PLCH1: variants seen among roughly 807,000 people sequenced by gnomAD.
The protein encoded by PLCH1 is phospholipase C eta 1, also known as 1-phosphatidylinositol 4,5-bisphosphate phosphodiesterase eta-1.
In PLCH1, 60 loss-of-function variants were observed where a neutral mutation model predicts 126.7. The observed-to-expected ratio is 0.47, with a 90% confidence interval of 0.38 to 0.59. PLCH1 has a LOEUF of 0.59. PLCH1 is among the 20% of genes least tolerant of loss of function. PLCH1 has a pLI of 0.00. For synonymous variants in PLCH1, 719 were observed against 734.9 expected (o/e 0.98, Z 0.35); for missense variants, 1,723 against 2,040.0 (o/e 0.84, Z 2.99).
intron 2 of PLCH1, among the ~76,000 whole-genome samples, chr3:155,667,902 TTAAAAAAAA>T (rs1052129410): frequency 6.3e-5 from 6 of 95,156 alleles, no homozygotes; most frequent in Admixed American, 1.1e-4. Flanking sequence ...CCATCTCTAC[TTAAAAAAAA>T]AAAAAAAAAA....
At chr3:155,732,468 C>T (rs1214331641) in intron 1 of PLCH1, among the ~76,000 whole-genome samples, 6 of 149,796 alleles carry the variant, frequency 4.0e-5, no homozygotes, top group East Asian at 2.0e-4. Context: ...GGGTGGATCA[C>T]GAGGTCAGGA....
At chr3:155,742,076 A>C (rs1436592940) in intron 1 of PLCH1, 1 of 152,216 alleles carries the variant, frequency 6.6e-6, no homozygotes, top group Admixed American at 6.5e-5. Flanking sequence ...AGAGTACCAA[A>C]GGTAGTATCT....
At chr3:155,554,036 G>A (rs359549) in intron 9 of PLCH1, 40 bp downstream of exon 9, 960,831 of 1,600,248 alleles carry the variant, frequency 0.6, 302,288 homozygotes, top group Non-Finnish European at 0.66. Context: ...TGCTCCATGC[G>A]GGAGGCTACC....
At chr3:155,470,399 A>G (rs1483869342) in intron 21 of PLCH1, among the ~76,000 whole-genome samples, 1 of 152,192 alleles carries the variant, frequency 6.6e-6, no homozygotes, top group Non-Finnish European at 1.5e-5. Context: ...AGAAACGAGT[A>G]AAGCCTCCAA....
intron 10 of PLCH1, among the ~76,000 whole-genome samples, chr3:155,549,305 T>C (rs1323513124): frequency 1.3e-5 from 2 of 152,226 alleles, no homozygotes; most frequent in African/African-American, 4.8e-5. Flanking sequence ...TGTGCCTGTG[T>C]TCCTCTTTGA....
chr3:155,674,508 A>G (rs1279061131), intron 2 of PLCH1, among the ~76,000 whole-genome samples: 1 of 152,234 alleles, frequency 6.6e-6, no homozygotes, highest in Non-Finnish European at 1.5e-5. Context: ...TCTGGAAATC[A>G]GAAGAAAGAT....
intron 1 of PLCH1, among the ~76,000 whole-genome samples, chr3:155,727,882 C>T (rs1161012969): frequency 1.3e-5 from 2 of 150,806 alleles, no homozygotes; most frequent in African/African-American, 4.8e-5. Context: ...AAAGAAAATA[C>T]GGTGATTTTG....
At chr3:155,504,266 C>T (rs1483329866) in intron 13 of PLCH1, among the ~76,000 whole-genome samples, 21 of 151,734 alleles carry the variant, frequency 1.4e-4, no homozygotes, top group Non-Finnish European at 2.9e-5. Context: ...TAACACATAC[C>T]CATTATGTAT....
chr3:155,691,209 G>T (rs1745358690), intron 2 of PLCH1, among the ~76,000 whole-genome samples: 1 of 152,204 alleles, frequency 6.6e-6, no homozygotes, highest in African/African-American at 2.4e-5. Context: ...GTGACTTGTG[G>T]CAAATTGTGA....
At chr3:155,724,767 T>A (rs1339098517) in intron 1 of PLCH1, among the ~76,000 whole-genome samples, 1 of 151,906 alleles carries the variant, frequency 6.6e-6, no homozygotes, top group South Asian at 2.1e-4. Flanking sequence ...TGTGAGGTAC[T>A]ATTCTATTCA....
intron 19 of PLCH1, among the ~76,000 whole-genome samples, chr3:155,489,774 T>G (rs966266894): frequency 2.1e-4 from 32 of 152,356 alleles, no homozygotes; most frequent in Non-Finnish European, 1.6e-4. Flanking sequence ...TAAGTTTCTG[T>G]TTTTCTTCCT....
Position 155,586,046 on chromosome 3 carries a change from T to C in PLCH1, c.600+19A>G, listed in dbSNP as rs778732646. ...CTCTGTGTATTTTATATAAGGCCAG[T>C]GAAATTGTGAAAACTTACCTGAAAC... On this transcript the variant is annotated intron_variant, in intron 5 of 22. Transcript: ENST00000460012. 1.2e-6 allele frequency: 2 copies of C among 1,611,800 alleles called. No individual in the cohort carries two copies. Among genetic ancestry groups the C allele is most frequent in the Non-Finnish European group, 1.7e-6 (2 of 1,177,948 alleles).
chr3:155,717,854 T>A (rs1747645109), intron 1 of PLCH1, among the ~76,000 whole-genome samples: 1 of 152,230 alleles, frequency 6.6e-6, no homozygotes, highest in African/African-American at 2.4e-5. Context: ...CGGCAAGGTG[T>A]TGCTCCCCAA....
At chr3:155,629,079 C>T (rs1046605958) in intron 2 of PLCH1, among the ~76,000 whole-genome samples, 2 of 152,222 alleles carry the variant, frequency 1.3e-5, no homozygotes, top group Non-Finnish European at 2.9e-5. Context: ...AGTTTCTTCA[C>T]ATTTTAAGAG....
chr3:155,529,537 T>G (rs976528061), intron 10 of PLCH1, among the ~76,000 whole-genome samples: 1 of 152,128 alleles, frequency 6.6e-6, no homozygotes, highest in Non-Finnish European at 1.5e-5. Flanking sequence ...AAAGTTACAA[T>G]TGTGCTATAC....
intron 2 of PLCH1, among the ~76,000 whole-genome samples, chr3:155,634,210 T>C: frequency 6.6e-6 from 1 of 152,192 alleles, no homozygotes; most frequent in East Asian, 1.9e-4. Context: ...AAGATGTTTG[T>C]GACCAAAAGA....
At chr3:155,619,015 T>A (rs75574777) in intron 2 of PLCH1, among the ~76,000 whole-genome samples, 3,124 of 152,198 alleles carry the variant, frequency 0.021, 120 homozygotes, top group African/African-American at 0.072. Context: ...CAGGGAATTT[T>A]TTCACTCTTT....
At chr3:155,462,995 C>T (rs1322689528) in intron 21 of PLCH1, among the ~76,000 whole-genome samples, 1 of 152,220 alleles carries the variant, frequency 6.6e-6, no homozygotes, top group Non-Finnish European at 1.5e-5. Context: ...TCCTTCCCTA[C>T]AGCGAACTTC....
chr3:155,483,347 A>G (rs1020563383), intron 22 of PLCH1: 5 of 1,537,142 alleles, frequency 3.3e-6, no homozygotes, highest in Non-Finnish European at 4.4e-6. Flanking sequence ...AGTGAGGATT[A>G]CCTTAAGTTG....
Sources: allele counts gnomAD v4.1 joint callset (sites outside exome capture counted in the v4.1 genomes callset), GRCh38; gene constraint gnomAD v4.1.1; transcripts MANE v1.5; gene names NCBI Gene and HGNC (gene_info 2026-07-23, HGNC 2026-07-21).